The following HAS3 variants were observed in gnomAD, a reference collection of about 807,000 sequenced individuals.
HAS3 encodes hyaluronan synthase 3.
HAS3 carries 27 observed loss-of-function variants against 50.3 expected under a neutral mutation model. The ratio of observed to expected loss-of-function variants is 0.54; its 90% CI spans 0.40 to 0.74. HAS3 has a LOEUF of 0.74. Ranked by LOEUF, HAS3 falls within the 30% of genes least tolerant of loss-of-function variation. The pLI is 0.00. For synonymous variants in HAS3, 339 were observed against 310.9 expected (o/e 1.09, Z -0.95); for missense variants, 517 against 742.8 (o/e 0.70, Z 3.53).
the HAS3 span, among the ~76,000 whole-genome samples, chr16:69,089,112 G>A: frequency 5.3e-5 from 8 of 152,094 alleles, no homozygotes; most frequent in Admixed American, 2.0e-4. Flanking sequence ...GAGAGCAAGC[G>A]TGTTGATCTA....
At chr16:69,113,021 C>T (rs980709176) in intron 2 of HAS3, among the ~76,000 whole-genome samples, 1 of 152,166 alleles carries the variant, frequency 6.6e-6, no homozygotes, top group South Asian at 2.1e-4. Context: ...GAGGCTGACA[C>T]GGGGACCCCT....
the HAS3 span, among the ~76,000 whole-genome samples, chr16:69,097,476 G>A: frequency 1.3e-5 from 2 of 151,654 alleles, no homozygotes; most frequent in South Asian, 2.1e-4. Flanking sequence ...AAACAAATTC[G>A]GAACAAGCTT....
Position 69,107,427 on chromosome 16 carries a change from A to T in HAS3, c.-1+1640A>T, listed in dbSNP as rs1960839121. The T allele has an allele frequency of 1.0e-6, 1 of 985,382 alleles. No individual in the cohort carries two copies. The highest frequency in any genetic ancestry group is 1.2e-6 in the Non-Finnish European group (1 of 829,998). The allele number at this position is 985,382 out of a possible 1,614,324, so 61.0% of individuals were successfully genotyped here. The stretch of plus-strand genomic sequence containing the variant: ...AAGAGCAGGGCCTGGTCCGACTGGG[A>T]TCCCTTGGGTTTTCCGTTCCTTCCC... On this transcript the variant is annotated intron_variant, in intron 1 of 3. Transcript: ENST00000569188. This position sits in a 1 kb window ranked among gnomAD's most constrained non-coding sequence, Gnocchi z 5.5.
At chr16:69,098,525 A>G in the HAS3 span, among the ~76,000 whole-genome samples, 1 of 152,050 alleles carries the variant, frequency 6.6e-6, no homozygotes, top group African/African-American at 2.4e-5. Context: ...CGACATGCAC[A>G]TGGCACTGTG....
the HAS3 span, among the ~76,000 whole-genome samples, chr16:69,086,784 A>T: frequency 2.0e-5 from 3 of 151,528 alleles, no homozygotes; most frequent in East Asian, 5.8e-4. Context: ...CATGCCTGTA[A>T]TCCCAGCTAC....
downstream of HAS3, chr16:69,118,209 G>C (rs1303859960): frequency 1.8e-6 from 1 of 570,804 alleles, no homozygotes; most frequent in Non-Finnish European, 3.2e-6. Context: ...CCAGTGAAGA[G>C]GGAGTTGGAT....
At chr16:69,090,580 T>C in the HAS3 span, among the ~76,000 whole-genome samples, 1 of 152,096 alleles carries the variant, frequency 6.6e-6, no homozygotes, top group Non-Finnish European at 1.5e-5. Context: ...AGCTAATTTT[T>C]TTTTTTAGAC....
chr16:69,107,900 C>A lies in HAS3; in HGVS notation c.1-1496C>A, dbSNP rs1409968597. Among the ~76,000 whole-genome samples, 1 of 152,238 alleles carries A rather than the reference C, an allele frequency of 6.6e-6. No homozygotes were observed. Among genetic ancestry groups the A allele is most frequent in the Non-Finnish European group, 1.5e-5 (1 of 68,036 alleles). On this transcript the variant is annotated intron_variant, in intron 1 of 3. Transcript: ENST00000569188. The surrounding 1 kb of genome is among the most constrained non-coding windows in gnomAD (Gnocchi z 5.5). ...AGGCTAGGCTGCCAGCAGCTCTTTT[C>A]GGGCCAACGCTGCTGGAAGGCTGCT...
chr16:69,089,856 C>T, the HAS3 span, among the ~76,000 whole-genome samples: 5 of 152,326 alleles, frequency 3.3e-5, no homozygotes, highest in Non-Finnish European at 4.4e-5. Flanking sequence ...GTGCCCTCTG[C>T]GGTTCTTTGT....
chr16:69,108,728 T>G (rs1384664693), intron 1 of HAS3, among the ~76,000 whole-genome samples: 1 of 152,216 alleles, frequency 6.6e-6, no homozygotes, highest in Non-Finnish European at 1.5e-5. Context: ...TTCCCTTTCT[T>G]TCCTGCCTCT....
chr16:69,091,557 G>C, the HAS3 span, among the ~76,000 whole-genome samples: 1 of 151,696 alleles, frequency 6.6e-6, no homozygotes, highest in Non-Finnish European at 1.5e-5. Flanking sequence ...CCCATGAAAT[G>C]CAAGTTCAGT....
chr16:69,083,906 A>C, the HAS3 span: 1 of 385,986 alleles, frequency 2.6e-6, no homozygotes, highest in South Asian at 5.3e-5. Context: ...ATTAATCTAC[A>C]TTTTTCACTG....
Position 69,115,945 on chromosome 16 carries a change from G to T in HAS3, c.*679G>T. ...CATTAAAAAGGAAAGTTTGCCAGGA[G>T]GAACAAAGAGATTGTGGTGGTGCTA... On this transcript the variant is annotated 3_prime_UTR_variant, in exon 4 of 4. Transcript: ENST00000569188. 1.3e-5 allele frequency: 13 copies of T among 985,842 alleles called. No individual in the cohort carries two copies. Among genetic ancestry groups the T allele is most frequent in the Non-Finnish European group, 1.6e-5 (13 of 829,948 alleles). 61.1% of individuals were successfully genotyped at this position (985,842 alleles called of 1,614,324 possible). A position where few individuals can be genotyped will look rare whatever the true frequency, so the allele number is the denominator to read the frequency against.
intron 2 of HAS3, among the ~76,000 whole-genome samples, chr16:69,112,650 G>C (rs2152258804): frequency 6.6e-6 from 1 of 152,334 alleles, no homozygotes; most frequent in South Asian, 2.1e-4. Flanking sequence ...ATGCTCACTG[G>C]ATTTGTGTAC....
chr16:69,101,854 G>A (rs755438597), upstream of HAS3, among the ~76,000 whole-genome samples: 5 of 151,524 alleles, frequency 3.3e-5, no homozygotes, highest in Non-Finnish European at 5.9e-5. Context: ...GCACGATCTC[G>A]GCTCACTGCA....
In HAS3 at chr16:69,114,774, C is replaced by T. The variant is rs201342230; in HGVS notation, c.1170C>T (p.Pro390=). The change falls in exon 4 of 4, where the codon CCC becomes CCT. Residue 390 remains proline (P), a synonymous_variant. Coordinates refer to ENST00000569188, the MANE Select transcript of HAS3 (RefSeq NM_001199280.2). This position sits in a 1 kb window ranked among gnomAD's most constrained non-coding sequence, Gnocchi z 6.4. ...TYESVVTGFF[P]FFLIATVIQL... Reference sequence around the variant, plus strand: ...AGTCAGTGGTCACGGGTTTCTTCCCCTTCTTCCTCATTGCCACGGTTATAC... The same window carrying T: ...AGTCAGTGGTCACGGGTTTCTTCCCTTTCTTCCTCATTGCCACGGTTATAC... 12 of 1,614,046 alleles carry T rather than the reference C, an allele frequency of 7.4e-6. No individual in the cohort carries two copies. The highest frequency in any genetic ancestry group is 1.3e-5 in the African/African-American group (1 of 74,902).
chr16:69,095,805 A>G, the HAS3 span, among the ~76,000 whole-genome samples: 2 of 152,190 alleles, frequency 1.3e-5, no homozygotes, highest in Non-Finnish European at 2.9e-5. Flanking sequence ...CCCTACCCTC[A>G]GCTTCGCTCT....
Position 69,116,215 on chromosome 16 carries a change from T to C in HAS3, c.*949T>C. On this transcript the variant is annotated 3_prime_UTR_variant, in exon 4 of 4. Transcript: ENST00000569188. Reference sequence around the variant, plus strand: ...CTTCACTTTCTTCAAAGCCACATTTTTTGAGGTATCACTGCAGTCACCTCT... The same window carrying C: ...CTTCACTTTCTTCAAAGCCACATTTCTTGAGGTATCACTGCAGTCACCTCT... 1 of 985,570 alleles carries C rather than the reference T, an allele frequency of 1.0e-6. No homozygotes were observed. The highest frequency in any genetic ancestry group is 1.2e-6 in the Non-Finnish European group (1 of 829,956). 61.1% of individuals were successfully genotyped at this position (985,570 alleles called of 1,614,324 possible).
chr16:69,106,716 G>T lies in HAS3; in HGVS notation c.-1+929G>T, dbSNP rs3759980. 6.6e-6 allele frequency: 1 copy of T among 152,198 alleles called. No individual in the cohort carries two copies. Among genetic ancestry groups the T allele is most frequent in the Non-Finnish European group, 1.5e-5 (1 of 68,068 alleles). The allele number at this position is 152,198 out of a possible 1,614,324, so 9.4% of individuals were successfully genotyped here. Reference sequence around the variant, plus strand: ...GGTTTGCACCTGTCCGGGCACCAAGGTACCAGGCGCCCACGTTCCTGCGGG... The same window carrying T: ...GGTTTGCACCTGTCCGGGCACCAAGTTACCAGGCGCCCACGTTCCTGCGGG... On this transcript the variant is annotated intron_variant, in intron 1 of 3. Coordinates refer to ENST00000569188, the MANE Select transcript of HAS3 (RefSeq NM_001199280.2). This position sits in a 1 kb window ranked among gnomAD's most constrained non-coding sequence, Gnocchi z 5.5.
Sources: allele counts gnomAD v4.1 joint callset (sites outside exome capture counted in the v4.1 genomes callset), GRCh38; gene constraint gnomAD v4.1.1; non-coding constraint Gnocchi (gnomAD v3.1); transcripts MANE v1.5; gene names NCBI Gene and HGNC (gene_info 2026-07-23, HGNC 2026-07-21).